AKAP13: variants seen among roughly 807,000 people sequenced by gnomAD.
AKAP13 encodes the protein A-kinase anchor protein 13.
AKAP13 carries 80 observed loss-of-function variants against 264.5 expected under a neutral mutation model. The observed-to-expected ratio is 0.30, with a 90% CI of 0.25 to 0.36. AKAP13 has a LOEUF of 0.36. AKAP13 is among the 10% of genes least tolerant of loss of function. AKAP13 has a pLI of 1.00. For synonymous variants in AKAP13, 1,380 were observed against 1,250.2 expected (o/e 1.10, Z -2.19); for missense variants, 3,712 against 3,435.2 (o/e 1.08, Z -2.01).
At chr15:85,743,006 A>G (rs1260353582) in intron 35 of AKAP13, among the ~76,000 whole-genome samples, 1 of 152,206 alleles carries the variant, frequency 6.6e-6, no homozygotes, top group Non-Finnish European at 1.5e-5. Flanking sequence ...AACCCAGAGT[A>G]GATGATCCTC....
chr15:85,426,323 T>G (rs1385657351), intron 1 of AKAP13, among the ~76,000 whole-genome samples: 1 of 152,236 alleles, frequency 6.6e-6, no homozygotes, highest in Non-Finnish European at 1.5e-5. Flanking sequence ...GGGCAAGAAC[T>G]CAGTCATCTC....
intron 8 of AKAP13, chr15:85,621,603 TTATACTC>T (rs1342360689): frequency 3.9e-5 from 6 of 152,132 alleles, no homozygotes; most frequent in African/African-American, 1.2e-4. Context: ...ATATAATACT[TTATACTC>T]TAGGTGGGCA....
intron 1 of AKAP13, among the ~76,000 whole-genome samples, chr15:85,458,393 G>GTTTTTTTTTTTTT (rs4037636): frequency 5.8e-4 from 70 of 120,616 alleles, no homozygotes; most frequent in African/African-American, 2.1e-3. Flanking sequence ...TTTGTTTTTT[G>GTTTTTTTTTTTTT]TTTTTTTTTT....
intron 1 of AKAP13, among the ~76,000 whole-genome samples, chr15:85,397,374 A>G (rs1273240296): frequency 6.6e-6 from 1 of 152,198 alleles, no homozygotes; most frequent in Non-Finnish European, 1.5e-5. Context: ...TGATCACTTT[A>G]TTAGTTAGCT....
rs764970319 is a variant in AKAP13, at chr15:85,715,816, C to T, written c.5628C>T (p.Ser1876=). 8.7e-6 allele frequency: 14 copies of T among 1,612,416 alleles called. No homozygotes were observed. Among genetic ancestry groups the T allele is most frequent in the African/African-American group, 2.7e-5 (2 of 74,618 alleles). Residue 1876 remains serine, a synonymous_variant, in exon 20 of 37, where the codon TCC becomes TCT. Coordinates refer to ENST00000394518, the MANE Select transcript of AKAP13 (RefSeq NM_007200.5). ...CACAGCCCAAGGAGCGTCCTCGGTC[C>T]GCAGTCCTCCTGGTGGATGAAACCG... The part of the protein sequence containing the change: ...KPSQPKERPR[S]AVLLVDETAT...
intron 2 of AKAP13, among the ~76,000 whole-genome samples, chr15:85,500,472 T>G (rs1201150949): frequency 6.6e-6 from 1 of 152,206 alleles, no homozygotes; most frequent in Non-Finnish European, 1.5e-5. Flanking sequence ...GATGAGACTA[T>G]TAGCTAGATT....
At position 85,727,471 on chromosome 15, in the gene AKAP13, A is replaced by G. The variant is rs748445702; in HGVS notation, c.7087+8A>G. The G allele has an allele frequency of 1.1e-5, 17 of 1,613,944 alleles. No homozygotes were observed. The highest frequency in any genetic ancestry group is 1.4e-5 in the Non-Finnish European group (17 of 1,179,806). ...GAGCCCGAGAATTAAAAGGTGAGGCATTGCGAGTGGTCTGAGCCCCTTGTC... is the reference window on the plus strand; with the variant it reads ...GAGCCCGAGAATTAAAAGGTGAGGCGTTGCGAGTGGTCTGAGCCCCTTGTC... On this transcript the variant is annotated splice_region_variant and intron_variant, in intron 29 of 36. Transcript: ENST00000394518. The surrounding 1 kb of genome is among the most constrained non-coding windows in gnomAD (Gnocchi z 5.3).
chr15:85,652,763 C>G (rs1372194207), intron 10 of AKAP13, among the ~76,000 whole-genome samples: 1 of 152,162 alleles, frequency 6.6e-6, no homozygotes, highest in African/African-American at 2.4e-5. Context: ...GGTGCTTGTT[C>G]AGTCCTTGGT....
chr15:85,542,736 AG>A (rs2077614775), intron 4 of AKAP13, among the ~76,000 whole-genome samples: 3 of 152,214 alleles, frequency 2.0e-5, no homozygotes, highest in Non-Finnish European at 2.9e-5. Context: ...GGACTGCTGA[AG>A]GAAGAGAGTA....
chr15:85,646,979 C>G (rs2082588039), intron 10 of AKAP13, among the ~76,000 whole-genome samples: 1 of 152,164 alleles, frequency 6.6e-6, no homozygotes, highest in Non-Finnish European at 1.5e-5. Flanking sequence ...GGTGAAGAGG[C>G]GGAAACACTG....
intron 1 of AKAP13, among the ~76,000 whole-genome samples, chr15:85,381,245 C>G (rs1268022447): frequency 6.6e-6 from 1 of 152,092 alleles, no homozygotes; most frequent in Non-Finnish European, 1.5e-5. Flanking sequence ...GCCGTGGAGT[C>G]CGCGCCGTGA....
intron 3 of AKAP13, among the ~76,000 whole-genome samples, chr15:85,527,205 C>T (rs906718100): frequency 9.2e-5 from 14 of 152,082 alleles, no homozygotes; most frequent in Admixed American, 4.6e-4. Flanking sequence ...CCTCGTGATC[C>T]GCCCGCCTTG....
At chr15:85,742,513 C>T (rs966197597) in intron 35 of AKAP13, among the ~76,000 whole-genome samples, 2 of 152,210 alleles carry the variant, frequency 1.3e-5, no homozygotes, top group Admixed American at 6.5e-5. Flanking sequence ...CCACTCCTCT[C>T]GTGGATGGAT....
intron 11 of AKAP13, among the ~76,000 whole-genome samples, chr15:85,656,013 C>T (rs2083076152): frequency 6.6e-6 from 1 of 152,136 alleles, no homozygotes; most frequent in Non-Finnish European, 1.5e-5. Context: ...ATATTCTCAT[C>T]TGTAAAATAC....
chr15:85,700,374 C>G (rs1199891037), intron 17 of AKAP13, among the ~76,000 whole-genome samples: 1 of 152,106 alleles, frequency 6.6e-6, no homozygotes, highest in African/African-American at 2.4e-5. Flanking sequence ...GCTAGGACAC[C>G]ACAAGTTATT....
intron 5 of AKAP13, among the ~76,000 whole-genome samples, chr15:85,548,245 T>G (rs1326236114): frequency 6.6e-6 from 1 of 152,210 alleles, no homozygotes; most frequent in Non-Finnish European, 1.5e-5. Flanking sequence ...TTGCAAACTT[T>G]CCTTGCTAAG....
At position 85,708,846 on chromosome 15, in the gene AKAP13, C is replaced by T. The variant is rs338534; in HGVS notation, c.5532+760C>T. Among the ~76,000 whole-genome samples the T allele has an allele frequency of 0.42, 63,891 of 151,948 alleles. 14,541 individuals are homozygous for T. Among genetic ancestry groups the T allele is most frequent in the African/African-American group, 0.6 (24,975 of 41,408 alleles). ...CAGTTATCTAGTGCCATGACCTCAA[C>T]CTGGAATGTGCATCAGAATCAACTC... On this transcript the variant is annotated intron_variant, in intron 18 of 36. Transcript: ENST00000394518. The surrounding 1 kb of genome is among the most constrained non-coding windows in gnomAD (Gnocchi z 4.3).
chr15:85,735,228 T>C, intron 31 of AKAP13, 78 bp downstream of exon 31: 1 of 1,538,440 alleles, frequency 6.5e-7, no homozygotes, highest in African/African-American at 1.4e-5. Flanking sequence ...TGTACTTTAG[T>C]AGCTACATCA....
chr15:85,719,451 T>C (rs918660678), intron 23 of AKAP13, 125 bp downstream of exon 23: 9 of 1,283,780 alleles, frequency 7.0e-6, no homozygotes, highest in South Asian at 1.6e-5. Context: ...AGGGAACTTA[T>C]TTAATTTCTC....
Sources: gnomAD v4.1 joint callset for allele counts (sites outside exome capture counted in the v4.1 genomes callset) on GRCh38, gnomAD v4.1.1 for gene constraint, Gnocchi (gnomAD v3.1) non-coding constraint, MANE v1.5 for transcripts, NCBI Gene and HGNC (gene_info 2026-07-23, HGNC 2026-07-21) for gene names.